The following STARD5 variants were observed in gnomAD, a reference collection of about 807,000 sequenced individuals.
The protein encoded by STARD5 is StAR related lipid transfer domain containing 5, also known as stAR-related lipid transfer protein 5.
STARD5 carries 26 observed loss-of-function variants against 24.6 expected under a neutral mutation model. The ratio of observed to expected loss-of-function variants is 1.06; its 90% CI spans 0.77 to 1.47. STARD5 has a LOEUF of 1.47. Among genes scored for constraint, STARD5 ranks in the 40% most tolerant of loss-of-function variants. The probability of loss-of-function intolerance (pLI) is 0.00; values close to 1 mark genes in which losing one functional copy is unlikely to be tolerated. For synonymous variants in STARD5, 101 were observed against 99.7 expected, an observed-to-expected ratio of 1.01 and a Z score of -0.07; for missense variants, 254 against 270.8, an observed-to-expected ratio of 0.94 and a Z score of 0.44.
intron 5 of STARD5, among the ~76,000 whole-genome samples, chr15:81,318,046 C>T (rs921499403): frequency 6.6e-6 from 1 of 152,120 alleles, no homozygotes; most frequent in African/African-American, 2.4e-5. Flanking sequence ...GAGCACAGAC[C>T]CTGCCCTGCC....
chr15:81,317,735 G>A (rs1206881214), intron 5 of STARD5, among the ~76,000 whole-genome samples: 1 of 152,116 alleles, frequency 6.6e-6, no homozygotes, highest in Non-Finnish European at 1.5e-5. Context: ...ACACCTGCAA[G>A]GCACAGTTTC....
chr15:81,314,635 A>T (rs1190261967), intron 5 of STARD5, among the ~76,000 whole-genome samples: 1 of 152,156 alleles, frequency 6.6e-6, no homozygotes, highest in African/African-American at 2.4e-5. Flanking sequence ...CTGTAATCCC[A>T]GCACCTTTGG....
At chr15:81,319,250 T>C in intron 4 of STARD5, 89 bp downstream of exon 4, 1 of 1,183,746 alleles carries the variant, frequency 8.4e-7, no homozygotes, top group Non-Finnish European at 1.3e-6. Context: ...GATTTCTGGT[T>C]GCTTGGCTTT....
intron 3 of STARD5, 64 bp downstream of exon 3, chr15:81,322,343 TG>T: frequency 1.3e-6 from 2 of 1,597,846 alleles, no homozygotes; most frequent in Non-Finnish European, 1.7e-6. Flanking sequence ...CCAGAAGAAA[TG>T]GGAGGGGGTT....
intron 2 of STARD5, 120 bp from the exon 3 acceptor site, chr15:81,322,660 G>T: frequency 6.7e-7 from 1 of 1,500,622 alleles, no homozygotes; most frequent in Non-Finnish European, 9.1e-7. Context: ...GGACAGACTT[G>T]CAGAGAAGGG....
chr15:81,318,829 G>T (rs1206846914), intron 4 of STARD5, among the ~76,000 whole-genome samples: 1 of 152,194 alleles, frequency 6.6e-6, no homozygotes, highest in Non-Finnish European at 1.5e-5. Context: ...GAACATTCTA[G>T]AACACAAGGT....
rs748968345 is a variant in STARD5 at position 81,319,422 on chromosome 15, G to A, written c.317C>T (p.Ala106Val). The A allele has an allele frequency of 8.1e-6, 13 of 1,614,082 alleles. No individual in the cohort carries two copies. The highest frequency in any genetic ancestry group is 5.1e-6 in the Non-Finnish European group (6 of 1,180,040). The change falls in exon 4 of 6, where the codon GCT (alanine) becomes GTT (valine). Residue 106 changes from alanine to valine, a missense_variant. Physicochemically the swap from Ala to Val is moderately conservative, Grantham distance 64. Coordinates refer to ENST00000302824, the MANE Select transcript of STARD5 (RefSeq NM_181900.3). Reference protein sequence around the residue: ...LCVSRTSTPSAAMKLISPRDF... With the variant: ...LCVSRTSTPSVAMKLISPRDF... ...TCTGGGAGAAATGAGCTTCATGGCAGCGGAGGGAGTGGAGGTTCTGCTTAC... is the reference window on the plus strand; with the variant it reads ...TCTGGGAGAAATGAGCTTCATGGCAACGGAGGGAGTGGAGGTTCTGCTTAC...
At chr15:81,316,842 A>G (rs1475858912) in intron 5 of STARD5, among the ~76,000 whole-genome samples, 2 of 152,178 alleles carry the variant, frequency 1.3e-5, no homozygotes, top group Non-Finnish European at 2.9e-5. Context: ...AAGAGTCAAC[A>G]CTTGAGTTAA....
At chr15:81,320,182 C>T (rs1356491664) in intron 3 of STARD5, among the ~76,000 whole-genome samples, 1 of 152,186 alleles carries the variant, frequency 6.6e-6, no homozygotes, top group Non-Finnish European at 1.5e-5. Flanking sequence ...TGTGATGGAA[C>T]AGTCCTGGAG....
In STARD5 at chr15:81,313,253, GCATTACT is replaced by G; in HGVS notation, c.638_*2del. 6.4e-7 allele frequency: 1 copy of G among 1,561,798 alleles called. No individual in the cohort carries two copies. The highest frequency in any genetic ancestry group is 1.9e-5 in the Admixed American group (1 of 52,874). On this transcript the variant is annotated stop_lost and 3_prime_UTR_variant, in exon 6 of 6. Transcript: ENST00000302824. ...AGTTCTTTGCCAAGAAGTAACGATA[GCATTACT>G]CATGGAATTGCTTCACTGCTTTCTG...
intron 5 of STARD5, among the ~76,000 whole-genome samples, chr15:81,317,156 C>T (rs1171713396): frequency 6.7e-6 from 1 of 148,902 alleles, no homozygotes; most frequent in Non-Finnish European, 1.5e-5. Flanking sequence ...AAGATTGCAC[C>T]ACTGCACTCC....
chr15:81,309,075 G>A lies in STARD5; in HGVS notation c.*4181C>T. On this transcript the variant is annotated 3_prime_UTR_variant, in exon 6 of 6. Transcript: ENST00000302824. ...ATATTGTGGTGCCACAAATAAAATG[G>A]ATTTATTAGAATTTCATATGACATT... 2.9e-6 allele frequency: 1 copy of A among 349,232 alleles called. No homozygotes were observed. The allele number at this position is 349,232 out of a possible 1,614,324, so 21.6% of individuals were successfully genotyped here. A position where few individuals can be genotyped will look rare whatever the true frequency, so the allele number is the denominator to read the frequency against.
At chr15:81,323,954 C>A (rs1340035601) in intron 1 of STARD5, 47 bp downstream of exon 1, 1 of 1,548,350 alleles carries the variant, frequency 6.5e-7, no homozygotes, top group Non-Finnish European at 8.7e-7. Flanking sequence ...GACCCGGGCT[C>A]CACGAAGCCG....
chr15:81,315,436 G>A (rs920402722), intron 5 of STARD5, among the ~76,000 whole-genome samples: 2 of 152,098 alleles, frequency 1.3e-5, no homozygotes, highest in Non-Finnish European at 2.9e-5. Flanking sequence ...GCAAAAGGGG[G>A]CACAGAGGAA....
Position 81,322,531 on chromosome 15 carries a change from T to C in STARD5, c.159A>G (p.Gly53=). 1 of 1,614,126 alleles carries C rather than the reference T, an allele frequency of 6.2e-7. No homozygotes were observed. The change falls in exon 3 of 6, where the codon GGA becomes GGG. Residue 53 remains glycine (G), a synonymous_variant. Coordinates refer to ENST00000302824, the MANE Select transcript of STARD5 (RefSeq NM_181900.3). ...CTAGTGTCCCATATACAATGCCTTCTCCTCGGTACCTGGAGCACGAAAAGG... is the reference window on the plus strand; with the variant it reads ...CTAGTGTCCCATATACAATGCCTTCCCCTCGGTACCTGGAGCACGAAAAGG... ...SVEFPGNLYR[G]EGIVYGTLEE...
chr15:81,322,606 A>G (rs1240740546), intron 2 of STARD5, 66 bp from the exon 3 acceptor site: 4 of 1,606,814 alleles, frequency 2.5e-6, no homozygotes, highest in Middle Eastern at 1.7e-4. Context: ...GATTGTATCT[A>G]AGGACTAGAA....
chr15:81,319,106 A>AG (rs11427228), intron 4 of STARD5, among the ~76,000 whole-genome samples: 11,929 of 151,110 alleles, frequency 0.079, 699 homozygotes, highest in African/African-American at 0.16. Context: ...AAAAAAAAAA[A>AG]GGGGCACTGG....
chr15:81,322,825 T>C (rs1476666136), intron 2 of STARD5, 74 bp downstream of exon 2: 3 of 1,579,468 alleles, frequency 1.9e-6, no homozygotes, highest in Non-Finnish European at 2.6e-6. Context: ...TTGAATATTT[T>C]AGGAGGCAGG....
chr15:81,319,248 GT>G, intron 4 of STARD5, 90 bp downstream of exon 4: 1 of 1,168,688 alleles, frequency 8.6e-7, no homozygotes, highest in Non-Finnish European at 1.3e-6. Flanking sequence ...GTGATTTCTG[GT>G]TGCTTGGCTT....
Sources: gnomAD v4.1 joint callset for allele counts (sites outside exome capture counted in the v4.1 genomes callset) on GRCh38, gnomAD v4.1.1 for gene constraint, MANE v1.5 for transcripts, NCBI Gene and HGNC (gene_info 2026-07-23, HGNC 2026-07-21) for gene names.